The following LHFPL4 variants were observed in gnomAD, a reference collection of about 807,000 sequenced individuals.
LHFPL4 encodes LHFPL tetraspan subfamily member 4, also known as LHFPL tetraspan subfamily member 4 protein.
LHFPL4 carries 6 observed loss-of-function variants against 20.0 expected under a neutral mutation model. That is an observed-to-expected ratio of 0.30 (90% CI 0.16 to 0.59). The LOEUF (loss-of-function observed/expected upper bound fraction) is 0.59, where lower values mean the gene tolerates loss of function less well. Among genes scored for constraint, LHFPL4 ranks in the 20% least tolerant of loss-of-function variants. The probability of loss-of-function intolerance (pLI) is 0.88; values close to 1 mark genes in which losing one functional copy is unlikely to be tolerated. For missense variants in LHFPL4, 215 were observed against 331.2 expected, an observed-to-expected ratio of 0.65 and a Z score of 2.72; for synonymous variants, 129 against 143.8, an observed-to-expected ratio of 0.90 and a Z score of 0.74.
At chr3:9,522,827 G>T (rs1332587691) in intron 2 of LHFPL4, among the ~76,000 whole-genome samples, 1 of 151,602 alleles carries the variant, frequency 6.6e-6, no homozygotes, top group Non-Finnish European at 1.5e-5. Context: ...GGATCACGAG[G>T]TCAGGAGATT....
At chr3:9,521,403 CTT>C (rs540986600) in intron 2 of LHFPL4, among the ~76,000 whole-genome samples, 10 of 140,924 alleles carry the variant, frequency 7.1e-5, no homozygotes, top group Admixed American at 7.2e-5. Flanking sequence ...TTTTTTTCTA[CTT>C]TTTTTTTTTT....
chr3:9,526,401 TACC>T (rs2046375715), intron 2 of LHFPL4, among the ~76,000 whole-genome samples: 1 of 152,208 alleles, frequency 6.6e-6, no homozygotes, highest in Non-Finnish European at 1.5e-5. Flanking sequence ...ATGTGTATTT[TACC>T]ACAATAAGAA....
At chr3:9,514,104 G>A (rs1005962015) in intron 2 of LHFPL4, among the ~76,000 whole-genome samples, 16 of 151,914 alleles carry the variant, frequency 1.1e-4, no homozygotes, top group Admixed American at 1.1e-3. Context: ...GATTGAATAG[G>A]GTACAGTTGT....
chr3:9,547,015 G>A (rs1180927878), intron 2 of LHFPL4, among the ~76,000 whole-genome samples: 2 of 152,182 alleles, frequency 1.3e-5, no homozygotes, highest in Non-Finnish European at 2.9e-5. Flanking sequence ...TTGAGACACG[G>A]TCTGGCTCTG....
intron 2 of LHFPL4, among the ~76,000 whole-genome samples, chr3:9,513,854 T>C (rs942971436): frequency 2.0e-5 from 3 of 152,194 alleles, no homozygotes; most frequent in African/African-American, 7.2e-5. Flanking sequence ...TCGACTGTAA[T>C]GGTAGGACAT....
chr3:9,538,788 T>G (rs2046459299), intron 2 of LHFPL4, among the ~76,000 whole-genome samples: 1 of 151,466 alleles, frequency 6.6e-6, no homozygotes. Flanking sequence ...AACCTCCGCC[T>G]CCCTGGTTCA....
At chr3:9,505,871 T>G (rs2046214592) in intron 3 of LHFPL4, 96 bp downstream of exon 3, 1 of 1,202,592 alleles carries the variant, frequency 8.3e-7, no homozygotes, top group African/African-American at 1.5e-5. Context: ...GGTTTCCAAT[T>G]CATGCAACCC....
chr3:9,498,578 G>C lies in LHFPL4; in HGVS notation c.*3633C>G, dbSNP rs962203320. 5 of 152,724 alleles carry C rather than the reference G, an allele frequency of 3.3e-5. No homozygotes were observed. The highest frequency in any genetic ancestry group is 9.6e-5 in the African/African-American group (4 of 41,458). The allele number at this position is 152,724 out of a possible 1,614,324, so 9.5% of individuals were successfully genotyped here. On this transcript the variant is annotated 3_prime_UTR_variant, in exon 4 of 4. Transcript: ENST00000287585. ...GGCCCTCGGAGGCCTGCCCATCAGAGCTCTGCGGAAGGCTCCCTTGTTCCC... is the reference window on the plus strand; with the variant it reads ...GGCCCTCGGAGGCCTGCCCATCAGACCTCTGCGGAAGGCTCCCTTGTTCCC...
At chr3:9,523,055 A>AG (rs1559518511) in intron 2 of LHFPL4, among the ~76,000 whole-genome samples, 2 of 122,776 alleles carry the variant, frequency 1.6e-5, no homozygotes, top group Non-Finnish European at 3.2e-5. Context: ...AAAAAAAAAA[A>AG]AAAGAAAGAA....
chr3:9,516,926 C>T (rs1559517006), intron 2 of LHFPL4, among the ~76,000 whole-genome samples: 1 of 151,262 alleles, frequency 6.6e-6, no homozygotes, highest in African/African-American at 2.4e-5. Flanking sequence ...ATTAGGGGAG[C>T]CCGCCACCAC....
At chr3:9,537,515 A>G (rs1486178009) in intron 2 of LHFPL4, among the ~76,000 whole-genome samples, 1 of 152,130 alleles carries the variant, frequency 6.6e-6, no homozygotes, top group East Asian at 1.9e-4. Context: ...CAGCCTGTTA[A>G]TAACCTTGGC....
intron 2 of LHFPL4, among the ~76,000 whole-genome samples, chr3:9,517,702 A>G (rs2046312275): frequency 6.6e-6 from 1 of 151,502 alleles, no homozygotes; most frequent in Admixed American, 6.6e-5. Flanking sequence ...AAAAAAAAAA[A>G]AAAATCCACT....
At chr3:9,545,735 GATAAAATAAA>G (rs141252772) in intron 2 of LHFPL4, among the ~76,000 whole-genome samples, 3 of 150,344 alleles carry the variant, frequency 2.0e-5, no homozygotes, top group African/African-American at 4.9e-5. Context: ...AAATAAATAA[GATAAAATAAA>G]ATAAAATAAA....
In LHFPL4 at chr3:9,506,542, C is replaced by T. The variant is rs2046219550; in HGVS notation, c.407-339G>A. Among the ~76,000 whole-genome samples the T allele has an allele frequency of 6.6e-6, 1 of 152,122 alleles. No homozygotes were observed. Among genetic ancestry groups the T allele is most frequent in the Non-Finnish European group, 1.5e-5 (1 of 68,026 alleles). Reference sequence around the variant, plus strand: ...CTTCCTCTAGCATCGGGACCAACTCCCTCTCCCATCTCTCCCATCCTCATT... The same window carrying T: ...CTTCCTCTAGCATCGGGACCAACTCTCTCTCCCATCTCTCCCATCCTCATT... On this transcript the variant is annotated intron_variant, in intron 2 of 3. Coordinates refer to ENST00000287585, the MANE Select transcript of LHFPL4 (RefSeq NM_198560.3). This position sits in a 1 kb window ranked among gnomAD's most constrained non-coding sequence, Gnocchi z 4.5.
Position 9,501,959 on chromosome 3 carries a change from G to A in LHFPL4, c.*252C>T, listed in dbSNP as rs1453661329. 1.1e-5 allele frequency: 6 copies of A among 538,120 alleles called. No homozygotes were observed. The highest frequency in any genetic ancestry group is 3.2e-5 in the East Asian group (1 of 31,732). The allele number at this position is 538,120 out of a possible 1,614,324, so 33.3% of individuals were successfully genotyped here. A position where few individuals can be genotyped will look rare whatever the true frequency, so the allele number is the denominator to read the frequency against. On this transcript the variant is annotated 3_prime_UTR_variant, in exon 4 of 4. Transcript: ENST00000287585. ...GGAGAGGAGAAGCCCAAGGGCCTACGCAGATGCAGGCTCCCTTAGGTCAAA... is the reference window on the plus strand; with the variant it reads ...GGAGAGGAGAAGCCCAAGGGCCTACACAGATGCAGGCTCCCTTAGGTCAAA...
Position 9,552,337 on chromosome 3 carries a change from G to A in LHFPL4, c.343C>T (p.Leu115Phe). The A allele has an allele frequency of 6.2e-7, 1 of 1,613,810 alleles. No homozygotes were observed. Among genetic ancestry groups the A allele is most frequent in the Non-Finnish European group, 8.5e-7 (1 of 1,179,892 alleles). The change falls in exon 2 of 4, where the codon CTT (leucine) becomes TTT (phenylalanine). Residue 115 changes from leucine (L) to phenylalanine (F), a missense_variant. By Grantham distance (22) the Leu-to-Phe change is conservative. Coordinates refer to ENST00000287585, the MANE Select transcript of LHFPL4 (RefSeq NM_198560.3). ...LILGCITCFS[L>F]FFFCNTATVY... ...GTAGCCGTGTTGCAGAAGAAGAAAA[G>A]CGAAAAGCAGGTGATGCAGCCGAGG...
At chr3:9,523,993 C>CCT (rs1553647672) in intron 2 of LHFPL4, among the ~76,000 whole-genome samples, 2 of 142,232 alleles carry the variant, frequency 1.4e-5, no homozygotes, top group Non-Finnish European at 3.1e-5. Flanking sequence ...TCCCCCCCCC[C>CCT]CAACACTTTA....
At chr3:9,537,226 C>A (rs1215564694) in intron 2 of LHFPL4, among the ~76,000 whole-genome samples, 1 of 152,224 alleles carries the variant, frequency 6.6e-6, no homozygotes, top group Admixed American at 6.5e-5. Flanking sequence ...CTCGCTTGCA[C>A]TCTGGCCACA....
intron 3 of LHFPL4, among the ~76,000 whole-genome samples, chr3:9,504,091 C>T (rs1221874827): frequency 2.6e-5 from 4 of 152,118 alleles, no homozygotes; most frequent in African/African-American, 9.7e-5. Flanking sequence ...TATAACTCAG[C>T]CGGGTGTGCT....
Sources: allele counts gnomAD v4.1 joint callset (sites outside exome capture counted in the v4.1 genomes callset), GRCh38; gene constraint gnomAD v4.1.1; non-coding constraint Gnocchi (gnomAD v3.1); transcripts MANE v1.5; gene names NCBI Gene and HGNC (gene_info 2026-07-23, HGNC 2026-07-21).